The following PTCHD1 variants were observed in gnomAD, a reference collection of about 807,000 sequenced individuals.
PTCHD1 encodes the protein patched domain containing 1.
A neutral mutation model predicts 34.6 loss-of-function variants in PTCHD1; 3 were observed. The ratio of observed to expected loss-of-function variants is 0.09; its 90% CI spans 0.04 to 0.22. The LOEUF (loss-of-function observed/expected upper bound fraction) is 0.22. Ranked by LOEUF, PTCHD1 falls within the 10% of genes least tolerant of loss-of-function variation. The pLI is 1.00. For synonymous variants in PTCHD1, 305 were observed against 283.1 expected (o/e 1.08, Z -0.77); for missense variants, 504 against 685.5 (o/e 0.74, Z 2.96).
intron 1 of PTCHD1, among the ~76,000 whole-genome samples, chrX:23,346,259 A>G (rs1473240400): frequency 1.8e-5 from 2 of 112,109 alleles, no homozygotes; most frequent in Non-Finnish European, 3.8e-5. Context: ...CCCTTGTTAA[A>G]GAATGGTAAG....
chrX:23,335,507 G>A (rs918535267), intron 1 of PTCHD1, among the ~76,000 whole-genome samples: 2 of 113,389 alleles, frequency 1.8e-5, no homozygotes, highest in Non-Finnish European at 3.7e-5. Flanking sequence ...TGTGGTCGGT[G>A]CGCTTGTTTT....
intron 2 of PTCHD1, among the ~76,000 whole-genome samples, chrX:23,388,730 C>A (rs1306937525): frequency 9.0e-6 from 1 of 111,677 alleles, no homozygotes; most frequent in East Asian, 2.8e-4. Flanking sequence ...ACCCAGGAGG[C>A]TGAGGCAGGG....
chrX:23,351,187 C>T (rs1027656742), intron 1 of PTCHD1: 15 of 675,703 alleles, frequency 2.2e-5, no homozygotes, highest in African/African-American at 1.3e-4. Flanking sequence ...ATCTGTTGCT[C>T]AGATTGGAAT....
chrX:23,349,256 C>A (rs1395313792), intron 1 of PTCHD1, among the ~76,000 whole-genome samples: 1 of 110,559 alleles, frequency 9.0e-6, no homozygotes, highest in African/African-American at 3.3e-5. Flanking sequence ...ACAACAACAA[C>A]AAAAACAAAA....
At chrX:23,356,771 G>C (rs1921816383) in intron 1 of PTCHD1, among the ~76,000 whole-genome samples, 1 of 112,040 alleles carries the variant, frequency 8.9e-6, no homozygotes, top group Non-Finnish European at 1.9e-5. Flanking sequence ...GGGATTTCCA[G>C]GCATTAAATT....
intron 1 of PTCHD1, among the ~76,000 whole-genome samples, chrX:23,348,728 C>G (rs759676357): frequency 1.8e-5 from 2 of 111,545 alleles, no homozygotes; most frequent in South Asian, 3.8e-4. Flanking sequence ...GATATAAAGA[C>G]TTTCTCAGAC....
intron 1 of PTCHD1, among the ~76,000 whole-genome samples, chrX:23,372,120 T>C (rs1458563014): frequency 9.1e-6 from 1 of 109,851 alleles, no homozygotes; most frequent in Non-Finnish European, 1.9e-5. Flanking sequence ...TGTCATGTCA[T>C]GATGGTACCA....
intron 1 of PTCHD1, among the ~76,000 whole-genome samples, chrX:23,359,412 T>A (rs889532451): frequency 8.9e-6 from 1 of 112,070 alleles, no homozygotes; most frequent in Non-Finnish European, 1.9e-5. Context: ...TTGTAGCGAT[T>A]GTGAATGGGA....
At chrX:23,342,593 TC>T (rs1316586819) in intron 1 of PTCHD1, among the ~76,000 whole-genome samples, 2 of 110,450 alleles carry the variant, frequency 1.8e-5, no homozygotes, top group African/African-American at 6.5e-5. Flanking sequence ...ATTTAGTTAT[TC>T]CCAAGTTTGA....
At chrX:23,362,487 A>G (rs1479984748) in intron 1 of PTCHD1, among the ~76,000 whole-genome samples, 1 of 112,266 alleles carries the variant, frequency 8.9e-6, no homozygotes, top group Non-Finnish European at 1.9e-5. Context: ...AGGTCATTTA[A>G]GGTCTTCTCT....
rs34539351 is a variant in PTCHD1 at position 23,394,409 on chromosome X, GACACACACAC to G, written c.*257_*266del. 9.4e-3 allele frequency: 1,881 copies of G among 199,975 alleles called. 10 individuals are homozygous for G. The highest frequency in any genetic ancestry group is 0.036 in the African/African-American group (988 of 27,269). The allele number at this position is 199,975 out of a possible 1,213,427, so 16.5% of individuals were successfully genotyped here. A position where few individuals can be genotyped will look rare whatever the true frequency, so the allele number is the denominator to read the frequency against. ...TGTTATGAGAATTCACACACACATAGACACACACACACACACACACACACACACACACACA... is the reference window on the plus strand; with the variant it reads ...TGTTATGAGAATTCACACACACATAGACACACACACACACACACACACACA... On this transcript the variant is annotated 3_prime_UTR_variant, in exon 3 of 3. Transcript: ENST00000379361.
chrX:23,361,272 G>C (rs900332560), intron 1 of PTCHD1, among the ~76,000 whole-genome samples: 1 of 111,565 alleles, frequency 9.0e-6, no homozygotes, highest in East Asian at 2.8e-4. Context: ...CATTATTACT[G>C]TGTGGGAGTC....
At chrX:23,341,170 G>C (rs939390267) in intron 1 of PTCHD1, among the ~76,000 whole-genome samples, 1 of 111,889 alleles carries the variant, frequency 8.9e-6, no homozygotes, top group African/African-American at 3.2e-5. Context: ...TAAAGCCTTA[G>C]TGGGAGAGGA....
chrX:23,353,001 C>T (rs190060777), intron 1 of PTCHD1, among the ~76,000 whole-genome samples: 80 of 112,243 alleles, frequency 7.1e-4, no homozygotes, highest in Non-Finnish European at 1.2e-3. Context: ...CCCTAGGAAA[C>T]TCTAATGCAC....
chrX:23,356,285 C>T (rs1921800727), intron 1 of PTCHD1, among the ~76,000 whole-genome samples: 1 of 112,133 alleles, frequency 8.9e-6, no homozygotes, highest in African/African-American at 3.3e-5. Context: ...GAGTTCCTTT[C>T]TTCAAAGAGC....
Position 23,404,074 on chromosome X carries a change from A to T in PTCHD1, c.*9889A>T, listed in dbSNP as rs1378368744. 1 of 112,124 alleles carries T rather than the reference A, an allele frequency of 8.9e-6. No homozygotes were observed. Among genetic ancestry groups the T allele is most frequent in the Non-Finnish European group, 1.9e-5 (1 of 53,223 alleles). 9.2% of individuals were successfully genotyped at this position (112,124 alleles called of 1,213,427 possible). On this transcript the variant is annotated 3_prime_UTR_variant, in exon 3 of 3. Transcript: ENST00000379361. ...AGAGGGCGATCTTTCATGCTTGCAC[A>T]TCGAGTTTATACAATGTAGAAGCCC...
intron 1 of PTCHD1, among the ~76,000 whole-genome samples, chrX:23,368,045 A>C (rs775023956): frequency 9.0e-6 from 1 of 110,540 alleles, no homozygotes; most frequent in South Asian, 3.9e-4. Context: ...AACAGCATTA[A>C]CAGGAGGAGC....
chrX:23,392,451 G>A, intron 2 of PTCHD1, 80 bp from the exon 3 acceptor site: 1 of 656,203 alleles, frequency 1.5e-6, no homozygotes, highest in Non-Finnish European at 2.5e-6. Flanking sequence ...TGACCCAGTA[G>A]TCCCTCATAA....
intron 1 of PTCHD1, among the ~76,000 whole-genome samples, chrX:23,360,508 T>A (rs1392741623): frequency 1.1e-4 from 12 of 111,985 alleles, no homozygotes; most frequent in Admixed American, 3.8e-4. Context: ...CCTTTATCAT[T>A]TTTTAATGTG....
Sources: gnomAD v4.1 joint callset for allele counts (sites outside exome capture counted in the v4.1 genomes callset) on GRCh38, gnomAD v4.1.1 for gene constraint, MANE v1.5 for transcripts, NCBI Gene and HGNC (gene_info 2026-07-23, HGNC 2026-07-21) for gene names.